The following NMT1 variants were observed in gnomAD, a reference collection of about 807,000 sequenced individuals.
NMT1 encodes the protein glycylpeptide N-tetradecanoyltransferase 1.
NMT1 carries 12 observed loss-of-function variants against 63.4 expected under a neutral mutation model. The ratio of observed to expected loss-of-function variants is 0.19; its 90% CI spans 0.12 to 0.31. The LOEUF (loss-of-function observed/expected upper bound fraction) is 0.31. Among genes scored for constraint, NMT1 ranks in the 10% least tolerant of loss-of-function variants. The pLI is 1.00. For missense variants in NMT1, 432 were observed against 634.6 expected, an observed-to-expected ratio of 0.68 and a Z score of 3.43; for synonymous variants, 228 against 234.3, an observed-to-expected ratio of 0.97 and a Z score of 0.25.
At chr17:45,078,544 C>T (rs1567864198) in intron 1 of NMT1, among the ~76,000 whole-genome samples, 1 of 152,016 alleles carries the variant, frequency 6.6e-6, no homozygotes, top group African/African-American at 2.4e-5. Context: ...CATAATAACT[C>T]CGAGGCATTT....
At chr17:45,077,382 A>C (rs993123442) in intron 1 of NMT1, among the ~76,000 whole-genome samples, 3 of 152,038 alleles carry the variant, frequency 2.0e-5, no homozygotes, top group Admixed American at 6.6e-5. Context: ...TCCTAATATC[A>C]GCCAGGTCTT....
Position 45,061,449 on chromosome 17 carries a change from C to G in NMT1, c.120C>G (p.Ser40Arg), listed in dbSNP as rs750844557. 5 of 1,613,024 alleles carry G rather than the reference C, an allele frequency of 3.1e-6. No individual in the cohort carries two copies. Among genetic ancestry groups the G allele is most frequent in the South Asian group, 1.1e-5 (1 of 90,938 alleles). Reference protein sequence around the residue: ...CSDCENEEDNSYNRGGLSPAN... With the variant: ...CSDCENEEDNRYNRGGLSPAN... ...ATTGCGAGAATGAGGAGGACAACAGCTACAACCGGGGGTAACGAAATCCTC... is the reference window on the plus strand; with the variant it reads ...ATTGCGAGAATGAGGAGGACAACAGGTACAACCGGGGGTAACGAAATCCTC... Residue 40 changes from serine (S) to arginine (R), a missense_variant, in exon 1 of 12, where the codon AGC (serine) becomes AGG (arginine). This residue lies in a region of NMT1 where 121 missense variants were observed against 103.7 expected (regional missense o/e 1.17). Transcript: ENST00000258960.
At chr17:45,066,694 A>T (rs925111931) in intron 1 of NMT1, among the ~76,000 whole-genome samples, 2 of 152,032 alleles carry the variant, frequency 1.3e-5, no homozygotes, top group African/African-American at 2.4e-5. Flanking sequence ...CTATTTAAAA[A>T]TTTTTTAATT....
intron 1 of NMT1, among the ~76,000 whole-genome samples, chr17:45,064,648 C>A (rs1376246992): frequency 6.6e-6 from 1 of 152,158 alleles, no homozygotes; most frequent in African/African-American, 2.4e-5. Flanking sequence ...CATAGTGAAA[C>A]CTCATCTCTA....
At chr17:45,092,707 CA>C (rs11355949) in intron 3 of NMT1, among the ~76,000 whole-genome samples, 82,426 of 115,422 alleles carry the variant, frequency 0.71, 26,438 homozygotes, top group South Asian at 0.77. Context: ...GAGACTGTCT[CA>C]AAAAAAAAAA....
Position 45,104,771 on chromosome 17 carries a change from G to T in NMT1, c.1333-88G>T. ...ACCTTGTTCTTGTGGCTGCCCACAG[G>T]ACAGCTTTGAAATGGCAGCAAAGGG... On this transcript the variant is annotated intron_variant, in intron 10 of 11. Transcript: ENST00000258960. The surrounding 1 kb of genome is among the most constrained non-coding windows in gnomAD (Gnocchi z 4.2). The T allele has an allele frequency of 6.3e-7, 1 of 1,576,236 alleles. No homozygotes were observed. Among genetic ancestry groups the T allele is most frequent in the South Asian group, 1.2e-5 (1 of 86,502 alleles).
At chr17:45,089,342 G>GATTT (rs947799178) in intron 3 of NMT1, among the ~76,000 whole-genome samples, 29 of 152,062 alleles carry the variant, frequency 1.9e-4, no homozygotes, top group Non-Finnish European at 3.5e-4. Context: ...AAGTCTCTCT[G>GATTT]ATTTATTTAT....
chr17:45,091,224 A>ACACACACACACACACG (rs2054085556), intron 3 of NMT1, among the ~76,000 whole-genome samples: 1 of 150,310 alleles, frequency 6.7e-6, no homozygotes, highest in Non-Finnish European at 1.5e-5. Context: ...ACACACACAC[A>ACACACACACACACACG]CACACACACA....
At chr17:45,084,091 G>A (rs1289663506) in intron 2 of NMT1, among the ~76,000 whole-genome samples, 1 of 152,116 alleles carries the variant, frequency 6.6e-6, no homozygotes, top group Non-Finnish European at 1.5e-5. Flanking sequence ...GTCTGACATA[G>A]GACCCAGAAG....
At chr17:45,064,089 G>T (rs1299226289) in intron 1 of NMT1, among the ~76,000 whole-genome samples, 1 of 152,192 alleles carries the variant, frequency 6.6e-6, no homozygotes. Context: ...GGAGGCTGAG[G>T]CAGGAGAATC....
intron 1 of NMT1, among the ~76,000 whole-genome samples, chr17:45,070,480 C>T (rs965324893): frequency 3.3e-5 from 5 of 152,138 alleles, no homozygotes; most frequent in Admixed American, 6.5e-5. Flanking sequence ...TACAGTGGCG[C>T]GGTCTTGGCT....
chr17:45,075,270 G>A (rs1217272250), intron 1 of NMT1, among the ~76,000 whole-genome samples: 2 of 151,852 alleles, frequency 1.3e-5, no homozygotes, highest in Non-Finnish European at 2.9e-5. Flanking sequence ...GATCACTTGA[G>A]GTCAGGAGTC....
chr17:45,074,571 A>G (rs2053965918), intron 1 of NMT1, among the ~76,000 whole-genome samples: 1 of 152,034 alleles, frequency 6.6e-6, no homozygotes, highest in African/African-American at 2.4e-5. Flanking sequence ...CTTTTATTCT[A>G]ATTCACCCTG....
At position 45,103,198 on chromosome 17, in the gene NMT1, G is replaced by A. The variant is rs576379274; in HGVS notation, c.1164+77G>A. On this transcript the variant is annotated intron_variant, in intron 9 of 11. Transcript: ENST00000258960. The surrounding 1 kb of genome is among the most constrained non-coding windows in gnomAD (Gnocchi z 4.8). ...CCCCCTGAGTGGCCGGGTTCCCAGG[G>A]CTCGAGTGTTGGCACCTTAGACTTC... 1.5e-3 allele frequency: 2,139 copies of A among 1,432,462 alleles called. 4 individuals are homozygous for A. Among genetic ancestry groups the A allele is most frequent in the Middle Eastern group, 2.6e-3 (11 of 4,208 alleles). The allele number at this position is 1,432,462 out of a possible 1,614,324, so 88.7% of individuals were successfully genotyped here. A position where few individuals can be genotyped will look rare whatever the true frequency, so the allele number is the denominator to read the frequency against.
chr17:45,063,672 G>A (rs1463808980), intron 1 of NMT1, among the ~76,000 whole-genome samples: 2 of 152,184 alleles, frequency 1.3e-5, no homozygotes, highest in Non-Finnish European at 2.9e-5. Context: ...GAGGCAGGTG[G>A]ATCACTTGAG....
chr17:45,088,709 G>T (rs1024620182), intron 3 of NMT1, among the ~76,000 whole-genome samples: 12 of 150,932 alleles, frequency 8.0e-5, no homozygotes, highest in African/African-American at 2.7e-4. Context: ...AGCTGAGATC[G>T]CACCACTGCA....
chr17:45,075,787 A>C (rs1175557701), intron 1 of NMT1, among the ~76,000 whole-genome samples: 2 of 151,948 alleles, frequency 1.3e-5, no homozygotes, highest in East Asian at 3.9e-4. Flanking sequence ...ACAAAAAAAG[A>C]GGCCAGGCAC....
At chr17:45,102,519 T>G (rs2054173732) in intron 8 of NMT1, among the ~76,000 whole-genome samples, 2 of 152,228 alleles carry the variant, frequency 1.3e-5, no homozygotes, top group Admixed American at 6.5e-5. Flanking sequence ...GCTCTAAGTC[T>G]AGCAGAGAAA....
intron 6 of NMT1, among the ~76,000 whole-genome samples, chr17:45,097,882 A>G (rs1418128646): frequency 6.6e-6 from 1 of 152,222 alleles, no homozygotes; most frequent in Admixed American, 6.5e-5. Context: ...GAAATGGGCC[A>G]GAGCGAGTGT....
Sources: gnomAD v4.1 joint callset for allele counts (sites outside exome capture counted in the v4.1 genomes callset) on GRCh38, gnomAD v4.1.1 for gene constraint, gnomAD v4.1.1 regional missense constraint, Gnocchi (gnomAD v3.1) non-coding constraint, MANE v1.5 for transcripts, NCBI Gene and HGNC (gene_info 2026-07-23, HGNC 2026-07-21) for gene names.